The following TLL1 variants were observed in gnomAD, a reference collection of about 807,000 sequenced individuals.
TLL1 encodes tolloid like 1, also known as tolloid-like protein 1.
Under a neutral mutation model 128.2 loss-of-function variants are expected in TLL1, and 49 were observed. That is an observed-to-expected ratio of 0.38 (90% CI 0.30 to 0.48). The LOEUF is 0.48. Ranked by LOEUF, TLL1 falls within the 20% of genes least tolerant of loss-of-function variation. The pLI, the probability that TLL1 is intolerant of heterozygous loss-of-function variation, is 0.96. For synonymous variants in TLL1, 454 were observed against 418.8 expected, an observed-to-expected ratio of 1.08 and a Z score of -1.03; for missense variants, 1,123 against 1,242.0, an observed-to-expected ratio of 0.90 and a Z score of 1.44.
intron 14 of TLL1, among the ~76,000 whole-genome samples, chr4:166,058,172 CATGTAT>C (rs1740119616): frequency 6.6e-6 from 1 of 152,002 alleles, no homozygotes; most frequent in Non-Finnish European, 1.5e-5. Flanking sequence ...ACCAGGCCAC[CATGTAT>C]ATGTATGTTA....
At chr4:165,984,611 C>G (rs1560790754) in intron 1 of TLL1, among the ~76,000 whole-genome samples, 1 of 151,822 alleles carries the variant, frequency 6.6e-6, no homozygotes, top group Non-Finnish European at 1.5e-5. Flanking sequence ...AAAGCTTAAA[C>G]TGTATATGGA....
At chr4:165,902,835 C>A (rs1010982162) in intron 1 of TLL1, among the ~76,000 whole-genome samples, 4 of 152,156 alleles carry the variant, frequency 2.6e-5, no homozygotes, top group Admixed American at 1.3e-4. Flanking sequence ...CCATATAAAT[C>A]ATTAATTCAA....
intron 1 of TLL1, among the ~76,000 whole-genome samples, chr4:165,937,222 A>G (rs542433604): frequency 6.6e-6 from 1 of 152,290 alleles, no homozygotes; most frequent in East Asian, 1.9e-4. Context: ...GAACTAGGAC[A>G]CATCTATTTA....
intron 1 of TLL1, among the ~76,000 whole-genome samples, chr4:165,882,608 G>C (rs1017256941): frequency 6.6e-6 from 1 of 151,988 alleles, no homozygotes; most frequent in Non-Finnish European, 1.5e-5. Flanking sequence ...GGGCCCCTGT[G>C]TTGCTTTATG....
chr4:165,936,335 T>C (rs1052970877), intron 1 of TLL1, among the ~76,000 whole-genome samples: 1 of 150,818 alleles, frequency 6.6e-6, no homozygotes, highest in African/African-American at 2.4e-5. Flanking sequence ...TTCTCCTGCC[T>C]CAGCCTCCCA....
At chr4:165,943,848 A>C (rs921681200) in intron 1 of TLL1, among the ~76,000 whole-genome samples, 4 of 152,126 alleles carry the variant, frequency 2.6e-5, no homozygotes, top group African/African-American at 9.7e-5. Flanking sequence ...ACATGTGCAC[A>C]GTGTATATTG....
At chr4:166,012,809 G>C (rs998890577) in intron 7 of TLL1, among the ~76,000 whole-genome samples, 1 of 151,588 alleles carries the variant, frequency 6.6e-6, no homozygotes, top group Admixed American at 6.6e-5. Context: ...ATGTACATAT[G>C]GAGTTCTGTA....
At chr4:165,914,476 G>T (rs537080862) in intron 1 of TLL1, among the ~76,000 whole-genome samples, 52 of 152,188 alleles carry the variant, frequency 3.4e-4, no homozygotes, top group Non-Finnish European at 6.6e-4. Flanking sequence ...GACAGAGATT[G>T]CACCCAGACA....
At chr4:166,063,991 T>C (rs1232056728) in intron 15 of TLL1, among the ~76,000 whole-genome samples, 5 of 151,210 alleles carry the variant, frequency 3.3e-5, no homozygotes, top group Non-Finnish European at 7.4e-5. Flanking sequence ...ACTTAAAGTA[T>C]AATAATTAAA....
rs78941589 is a variant in TLL1 at position 165,879,294 on chromosome 4, A to G, written c.169+5221A>G. On this transcript the variant is annotated intron_variant, in intron 1 of 20. Transcript: ENST00000061240. ...ATAAGCCATGTATGGTTCCTCCATC[A>G]GAAACCATATTGTCTTCCTCTATTG... is the stretch of plus-strand genomic sequence containing the variant. Among the ~76,000 whole-genome samples, 1,227 of 152,208 alleles carry G rather than the reference A, an allele frequency of 8.1e-3. 14 individuals are homozygous for G. The highest frequency in any genetic ancestry group is 0.027 in the African/African-American group (1,113 of 41,530).
chr4:166,001,440 G>C (rs76437994), intron 5 of TLL1, among the ~76,000 whole-genome samples: 2,045 of 152,120 alleles, frequency 0.013, 44 homozygotes, highest in African/African-American at 0.047. Context: ...CACACACTTA[G>C]ACTTGCAGAC....
chr4:165,976,905 G>T (rs757577960), intron 1 of TLL1, among the ~76,000 whole-genome samples: 8 of 152,152 alleles, frequency 5.3e-5, no homozygotes, highest in East Asian at 3.9e-4. Context: ...ACATTATGCG[G>T]TTTTTTTGTA....
At chr4:166,025,726 T>C (rs1369915191) in intron 9 of TLL1, among the ~76,000 whole-genome samples, 1 of 152,118 alleles carries the variant, frequency 6.6e-6, no homozygotes, top group Non-Finnish European at 1.5e-5. Flanking sequence ...TCCCCATATA[T>C]TTTAAGATTT....
At chr4:165,929,291 A>G (rs10517873) in intron 1 of TLL1, among the ~76,000 whole-genome samples, 13,816 of 152,178 alleles carry the variant, frequency 0.091, 741 homozygotes, top group East Asian at 0.26. Context: ...TGTTTAAAGA[A>G]GTAGAGGGAG....
At chr4:166,078,383 A>G (rs1000108418) in intron 18 of TLL1, among the ~76,000 whole-genome samples, 2 of 152,226 alleles carry the variant, frequency 1.3e-5, no homozygotes, top group Admixed American at 6.5e-5. Context: ...AAGCGATAGA[A>G]TAATATTTCA....
chr4:165,938,495 A>G (rs886469689), intron 1 of TLL1, among the ~76,000 whole-genome samples: 1 of 151,638 alleles, frequency 6.6e-6, no homozygotes, highest in African/African-American at 2.4e-5. Flanking sequence ...CCTTTCCTTA[A>G]TTTTCTAATT....
chr4:165,969,372 T>C (rs1277231980), intron 1 of TLL1, among the ~76,000 whole-genome samples: 1 of 152,148 alleles, frequency 6.6e-6, no homozygotes, highest in Non-Finnish European at 1.5e-5. Context: ...TCAGTAGACA[T>C]TCATTTAGAA....
rs117371076 is a variant in TLL1 at position 165,927,152 on chromosome 4, A to G, written c.169+53079A>G. 5.2e-3 allele frequency among the ~76,000 whole-genome samples: 788 copies of G among 152,316 alleles called. 8 individuals are homozygous for G. Among genetic ancestry groups the G allele is most frequent in the African/African-American group, 0.016 (654 of 41,574 alleles). On this transcript the variant is annotated intron_variant, in intron 1 of 20. Transcript: ENST00000061240. ...TGCACAAGTATGTATAAAAATCTCA[A>G]TTAGAAAGCTTTATATACCATAAAA...
intron 14 of TLL1, among the ~76,000 whole-genome samples, chr4:166,059,227 A>T (rs180700507): frequency 1.4e-5 from 2 of 147,516 alleles, no homozygotes; most frequent in Non-Finnish European, 3.0e-5. Flanking sequence ...ACACACACAT[A>T]CACGTGCACA....
Sources: allele counts gnomAD v4.1 joint callset (sites outside exome capture counted in the v4.1 genomes callset), GRCh38; gene constraint gnomAD v4.1.1; transcripts MANE v1.5; gene names NCBI Gene and HGNC (gene_info 2026-07-23, HGNC 2026-07-21).